SLC8A3: variants seen among roughly 807,000 people sequenced by gnomAD.
SLC8A3 encodes solute carrier family 8 member A3, also known as sodium/calcium exchanger 3.
A neutral mutation model predicts 65.4 loss-of-function variants in SLC8A3; 37 were observed. The observed-to-expected ratio is 0.57, with a 90% CI of 0.44 to 0.74. SLC8A3 has a LOEUF of 0.74. SLC8A3 is among the 30% of genes least tolerant of loss of function. The pLI, the probability that SLC8A3 is intolerant of heterozygous loss-of-function variation, is 0.00. For missense variants in SLC8A3, 1,112 were observed against 1,172.1 expected (o/e 0.95, Z 0.75); for synonymous variants, 461 against 444.5 (o/e 1.04, Z -0.47).
chr14:70,048,144 G>A (rs1887010734), intron 6 of SLC8A3: 1 of 159,866 alleles, frequency 6.3e-6, no homozygotes, highest in African/African-American at 2.4e-5. Flanking sequence ...CTAAGAAAAA[G>A]AAAGAGTATG....
chr14:70,067,083 T>A (rs1889510747), intron 2 of SLC8A3, among the ~76,000 whole-genome samples: 1 of 152,142 alleles, frequency 6.6e-6, no homozygotes, highest in African/African-American at 2.4e-5. Context: ...CATAACGTCC[T>A]CCCCTTGCTT....
At chr14:70,087,760 A>G (rs1414196198) in intron 2 of SLC8A3, among the ~76,000 whole-genome samples, 1 of 152,224 alleles carries the variant, frequency 6.6e-6, no homozygotes, top group East Asian at 1.9e-4. Context: ...TTTAAGCTCC[A>G]TGCACCATCC....
At chr14:70,075,696 T>C (rs1890444837) in intron 2 of SLC8A3, among the ~76,000 whole-genome samples, 1 of 152,228 alleles carries the variant, frequency 6.6e-6, no homozygotes, top group Admixed American at 6.5e-5. Context: ...TAGCCTGTTA[T>C]GGTCCATTCT....
intron 2 of SLC8A3, among the ~76,000 whole-genome samples, chr14:70,113,491 C>A (rs1226781306): frequency 6.6e-6 from 1 of 152,246 alleles, no homozygotes; most frequent in African/African-American, 2.4e-5. Context: ...CTGACCAGTA[C>A]ACGCAGGAGA....
chr14:70,056,770 C>A (rs1436939085), intron 3 of SLC8A3, among the ~76,000 whole-genome samples: 2 of 152,162 alleles, frequency 1.3e-5, no homozygotes, highest in Non-Finnish European at 2.9e-5. Flanking sequence ...TGAGAGATGA[C>A]AAATGCAAGG....
In SLC8A3 at chr14:70,168,198, G is replaced by T; in HGVS notation, c.225C>A (p.Ala75=). The change falls in exon 2 of 7, where the codon GCC becomes GCA. Residue 75 remains alanine (A), a synonymous_variant. Transcript: ENST00000356921. Reference sequence around the variant, plus strand: ...GGGCCACAAAATAGACAATGACCCTGGCAATCTTGTCCCCAAGGGAAGGGT... The same window carrying T: ...GGGCCACAAAATAGACAATGACCCTTGCAATCTTGTCCCCAAGGGAAGGGT... ...PENPSLGDKI[A]RVIVYFVALI... is the part of the protein sequence containing the mutation. The T allele has an allele frequency of 6.2e-7, 1 of 1,614,118 alleles. No homozygotes were observed. Among genetic ancestry groups the T allele is most frequent in the African/African-American group, 1.3e-5 (1 of 75,030 alleles).
In SLC8A3 at chr14:70,110,673, C is replaced by CTT. The variant is rs71102684; in HGVS notation, c.1785-49736_1785-49735dup. On this transcript the variant is annotated intron_variant, in intron 2 of 6. Coordinates refer to ENST00000356921, the MANE Select transcript of SLC8A3 (RefSeq NM_182932.3). ...AACATGAGAGTGCAGATACCTCTTT[C>CTT]TTTTTTTTTTTTTTTTTTTTTTTTT... Among the ~76,000 whole-genome samples the CTT allele has an allele frequency of 7.9e-4, 73 of 91,864 alleles. 1 individual carries two copies. The highest frequency in any genetic ancestry group is 1.1e-3 in the Non-Finnish European group (48 of 45,280). 60.3% of individuals were successfully genotyped at this position (91,864 alleles called of 152,430 possible).
chr14:70,168,223 T>A lies in SLC8A3; in HGVS notation c.200A>T (p.Asn67Ile), dbSNP rs1423690735. The change falls in exon 2 of 7, where the codon AAC becomes ATC. Residue 67 changes from asparagine (N) to isoleucine (I), a missense_variant. Coordinates refer to ENST00000356921, the MANE Select transcript of SLC8A3 (RefSeq NM_182932.3). ...GGCAATCTTGTCCCCAAGGGAAGGG[T>A]TCTCCGGGTACCAGATTGGCAGGAT... ...GVILPIWYPE[N>I]PSLGDKIARV... is the part of the protein sequence containing the mutation. The A allele has an allele frequency of 6.2e-7, 1 of 1,613,792 alleles. No individual in the cohort carries two copies. The highest frequency in any genetic ancestry group is 8.5e-7 in the Non-Finnish European group (1 of 1,179,966).
intron 2 of SLC8A3, among the ~76,000 whole-genome samples, chr14:70,067,767 C>T (rs1889597790): frequency 6.6e-6 from 1 of 152,324 alleles, no homozygotes; most frequent in South Asian, 2.1e-4. Context: ...TTGTCTACTC[C>T]AAGGAAGCTC....
intron 3 of SLC8A3, chr14:70,055,865 T>A: frequency 6.5e-7 from 1 of 1,539,084 alleles, no homozygotes; most frequent in Non-Finnish European, 8.9e-7. Flanking sequence ...GAAAGAGCAT[T>A]AATGTCCCAT....
upstream of SLC8A3, chr14:70,189,123 C>G (rs1470927844): frequency 6.6e-6 from 1 of 152,296 alleles, no homozygotes; most frequent in Non-Finnish European, 1.5e-5. Context: ...GGGAGACTCT[C>G]AGAACGCTCC....
rs545787398 is a variant in SLC8A3 at position 70,049,180 on chromosome 14, C to T, written c.2114-138G>A. ...CTGTCTTCTGGGCAGCTGGTGGGGG[C>T]CAGGGCCAGCGTGCCAGAAAATAGT... On this transcript the variant is annotated intron_variant, in intron 5 of 6. Coordinates refer to ENST00000356921, the MANE Select transcript of SLC8A3 (RefSeq NM_182932.3). 7 of 843,024 alleles carry T rather than the reference C, an allele frequency of 8.3e-6. No homozygotes were observed. In the African/African-American group the frequency reaches 1.0e-4, roughly 12 times the overall value. The allele number at this position is 843,024 out of a possible 1,614,324, so 52.2% of individuals were successfully genotyped here.
chr14:70,098,821 G>C (rs994064977), intron 2 of SLC8A3, among the ~76,000 whole-genome samples: 4 of 152,176 alleles, frequency 2.6e-5, no homozygotes, highest in African/African-American at 9.7e-5. Context: ...GCCGACTCTG[G>C]AGTTCCTGGT....
At position 70,167,228 on chromosome 14, in the gene SLC8A3, A is replaced by C. The variant is rs1482109019; in HGVS notation, c.1195T>G (p.Phe399Val). ...DEPEDFISKV[F>V]FDPCSYQCLE... is the part of the protein sequence containing the mutation. ...CACTGGTAAGAACATGGGTCAAAGA[A>C]GACCTTGGAAATAAAGTCCTCAGGC... The change falls in exon 2 of 7, where the codon TTC becomes GTC. Residue 399 changes from phenylalanine to valine, a missense_variant. By Grantham distance (50) the Phe-to-Val change is conservative (BLOSUM62 -1). Transcript: ENST00000356921. The C allele has an allele frequency of 1.2e-6, 2 of 1,614,086 alleles. No individual in the cohort carries two copies. Among genetic ancestry groups the C allele is most frequent in the Non-Finnish European group, 8.5e-7 (1 of 1,180,026 alleles).
Position 70,166,959 on chromosome 14 carries a change from G to T in SLC8A3, c.1464C>A (p.Arg488=), listed in dbSNP as rs768498664. The T allele has an allele frequency of 6.2e-7, 1 of 1,614,142 alleles. No individual in the cohort carries two copies. Among genetic ancestry groups the T allele is most frequent in the East Asian group, 2.2e-5 (1 of 44,882 alleles). The part of the protein sequence containing the change: ...EHFFVRLSNV[R]IEEEQPEEGM... ...CCTCCTCTGGCTGCTCCTCCTCTATGCGGACATTGCTCAACCTTACAAAGA... is the reference window on the plus strand; with the variant it reads ...CCTCCTCTGGCTGCTCCTCCTCTATTCGGACATTGCTCAACCTTACAAAGA... The change falls in exon 2 of 7, where the codon CGC becomes CGA. Residue 488 remains arginine (R), a synonymous_variant. Transcript: ENST00000356921.
In SLC8A3 at chr14:70,046,336, A is replaced by G; in HGVS notation, c.2390-13T>C. 1 of 1,592,568 alleles carries G rather than the reference A, an allele frequency of 6.3e-7. No homozygotes were observed. The highest frequency in any genetic ancestry group is 8.6e-7 in the Non-Finnish European group (1 of 1,168,144). The stretch of plus-strand genomic sequence containing the variant: ...CTGGCAAACGTATCTGGAAAAGGAC[A>G]AAGACACATGGGAACTGGTAGGAGG... On this transcript the variant is annotated splice_polypyrimidine_tract_variant and intron_variant, in intron 6 of 6. Coordinates refer to ENST00000356921, the MANE Select transcript of SLC8A3 (RefSeq NM_182932.3). The surrounding 1 kb of genome is among the most constrained non-coding windows in gnomAD (Gnocchi z 4.2).
chr14:70,145,871 C>CTAAT (rs1024345116), intron 2 of SLC8A3, among the ~76,000 whole-genome samples: 105 of 150,496 alleles, frequency 7.0e-4, no homozygotes, highest in African/African-American at 2.5e-3. Context: ...TGCAATGGCA[C>CTAAT]TAATGAGGGG....
At chr14:70,095,027 C>T (rs1892067394) in intron 2 of SLC8A3, among the ~76,000 whole-genome samples, 1 of 152,228 alleles carries the variant, frequency 6.6e-6, no homozygotes, top group Non-Finnish European at 1.5e-5. Flanking sequence ...GCTGCTTACC[C>T]TCTGAGCCTC....
intron 3 of SLC8A3, 167 bp downstream of exon 3, chr14:70,060,669 A>C (rs1180201667): frequency 2.7e-6 from 2 of 750,016 alleles, no homozygotes; most frequent in South Asian, 2.7e-5. Flanking sequence ...AGAATACAGG[A>C]GGGAAAAGAA....
Sources: allele counts gnomAD v4.1 joint callset (sites outside exome capture counted in the v4.1 genomes callset), GRCh38; gene constraint gnomAD v4.1.1; non-coding constraint Gnocchi (gnomAD v3.1); transcripts MANE v1.5; gene names NCBI Gene and HGNC (gene_info 2026-07-23, HGNC 2026-07-21).